The following AGAP3 variants were observed in gnomAD, a reference collection of about 807,000 sequenced individuals.
The protein encoded by AGAP3 is arf-GAP with GTPase, ANK repeat and PH domain-containing protein 3.
Under a neutral mutation model 96.9 loss-of-function variants are expected in AGAP3, and 24 were observed. The ratio of observed to expected loss-of-function variants is 0.25; its 90% CI spans 0.18 to 0.35. AGAP3 has a LOEUF of 0.35. Among genes scored for constraint, AGAP3 ranks in the 10% least tolerant of loss-of-function variants. The pLI is 1.00. For missense variants in AGAP3, 876 were observed against 1,254.2 expected, an observed-to-expected ratio of 0.70 and a Z score of 4.55; for synonymous variants, 563 against 536.1, an observed-to-expected ratio of 1.05 and a Z score of -0.69.
Position 151,143,439 on chromosome 7 carries a change from G to T in AGAP3, c.2372G>T (p.Arg791Leu). Residue 791 changes from arginine to leucine, a missense_variant, in exon 17 of 18, where the codon CGG becomes CTG. By Grantham distance (102) the Arg-to-Leu change is moderately radical (BLOSUM62 -2). Around this residue, in one of 8 missense-constraint regions of AGAP3, gnomAD observed 213 missense variants for 253.8 expected, o/e 0.84. Transcript: ENST00000397238. The surrounding 1 kb of genome is among the most constrained non-coding windows in gnomAD (Gnocchi z 5.9). Reference protein sequence around the residue: ...SDVPLGQQLLRAVVEDDLRLL... With the variant: ...SDVPLGQQLLLAVVEDDLRLL... ...GTGCCACTGGGGCAGCAGCTGCTCC[G>T]GGCCGTGGTGGAAGATGACCTGCGG... 2 of 1,614,170 alleles carry T rather than the reference G, an allele frequency of 1.2e-6. No homozygotes were observed. Among genetic ancestry groups the T allele is most frequent in the Admixed American group, 1.7e-5 (1 of 60,022 alleles).
chr7:151,109,703 C>T (rs1473591700), intron 1 of AGAP3, among the ~76,000 whole-genome samples: 1 of 152,216 alleles, frequency 6.6e-6, no homozygotes, highest in Non-Finnish European at 1.5e-5. Flanking sequence ...CTCCGTATCT[C>T]TGAGGTCTCT....
intron 1 of AGAP3, among the ~76,000 whole-genome samples, chr7:151,106,983 G>A (rs1015445886): frequency 6.6e-6 from 1 of 151,292 alleles, no homozygotes; most frequent in Admixed American, 6.6e-5. Context: ...TTAGTGCAAT[G>A]ATTTGAACAC....
rs35926416 is a variant in AGAP3, at chr7:151,095,701, C to CA, written c.331+8655dup. 1.9e-3 allele frequency among the ~76,000 whole-genome samples: 154 copies of CA among 83,012 alleles called. 6 individuals are homozygous for CA. Among genetic ancestry groups the CA allele is most frequent in the Admixed American group, 1.6e-3 (10 of 6,222 alleles). 54.5% of individuals were successfully genotyped at this position (83,012 alleles called of 152,430 possible). On this transcript the variant is annotated intron_variant, in intron 1 of 17. Transcript: ENST00000397238. ...AATGTCTTGTCCAATCACAGTTGTACAAAAAAAAAAAAAAAAAAAAAAAAA... is the reference window on the plus strand; with the variant it reads ...AATGTCTTGTCCAATCACAGTTGTACAAAAAAAAAAAAAAAAAAAAAAAAAA...
At chr7:151,111,188 C>G (rs1298973351) in intron 1 of AGAP3, among the ~76,000 whole-genome samples, 2 of 152,190 alleles carry the variant, frequency 1.3e-5, no homozygotes, top group East Asian at 1.9e-4. Flanking sequence ...TGCCAGCCTT[C>G]CCAGCCACTG....
In AGAP3 at chr7:151,138,324, G is replaced by A. The variant is rs1800686321; in HGVS notation, c.1666+11G>A. 1 of 1,599,762 alleles carries A rather than the reference G, an allele frequency of 6.3e-7. No individual in the cohort carries two copies. The highest frequency in any genetic ancestry group is 8.5e-7 in the Non-Finnish European group (1 of 1,171,800). ...GCATGCAGCACCCTGGTGAGTGGTG[G>A]CTCTGCTGCTTCCCACCTTTTCTGG... On this transcript the variant is annotated intron_variant, in intron 12 of 17. Coordinates refer to ENST00000397238, the MANE Select transcript of AGAP3 (RefSeq NM_031946.7).
rs1042347623 is a variant in AGAP3 at position 151,127,330 on chromosome 7, G to A, written c.1222-1250G>A. On this transcript the variant is annotated intron_variant, in intron 9 of 17. Coordinates refer to ENST00000397238, the MANE Select transcript of AGAP3 (RefSeq NM_031946.7). ...CTCCATTCCTAAAGGAGATGCCATC[G>A]CGGGGCCTCTTCCCTCTCTGGGCGC... 3.3e-5 allele frequency among the ~76,000 whole-genome samples: 5 copies of A among 152,234 alleles called. No individual in the cohort carries two copies. The South Asian group carries it at 6.2e-4, about 19-fold the overall frequency.
chr7:151,140,192 C>T lies in AGAP3; in HGVS notation c.1804+76C>T, dbSNP rs1423724532. 1 of 1,335,250 alleles carries T rather than the reference C, an allele frequency of 7.5e-7. No homozygotes were observed. Among genetic ancestry groups the T allele is most frequent in the South Asian group, 2.0e-5 (1 of 49,504 alleles). The allele number at this position is 1,335,250 out of a possible 1,614,324, so 82.7% of individuals were successfully genotyped here. On this transcript the variant is annotated intron_variant, in intron 13 of 17. Coordinates refer to ENST00000397238, the MANE Select transcript of AGAP3 (RefSeq NM_031946.7). The surrounding 1 kb of genome is among the most constrained non-coding windows in gnomAD (Gnocchi z 5.4). ...TGGGGATAGTACCCTAAAAGTAACACCTATTTTTTATTTTTTGTATTCAGT... is the reference window on the plus strand; with the variant it reads ...TGGGGATAGTACCCTAAAAGTAACATCTATTTTTTATTTTTTGTATTCAGT...
intron 8 of AGAP3, chr7:151,123,476 C>A: frequency 8.5e-7 from 1 of 1,181,252 alleles, no homozygotes; most frequent in Non-Finnish European, 1.1e-6. Flanking sequence ...AGCAGCCCCA[C>A]CGTCCACCTC....
rs905023477 is a variant in AGAP3 at position 151,136,558 on chromosome 7, C to G, written c.1496-1585C>G. ...CGCTGCTTTATGCAGAATTATCCTCCGAGGACTAATTGATGGCTCCATGTT... is the reference window on the plus strand; with the variant it reads ...CGCTGCTTTATGCAGAATTATCCTCGGAGGACTAATTGATGGCTCCATGTT... On this transcript the variant is annotated intron_variant, in intron 11 of 17. Transcript: ENST00000397238. The G allele has an allele frequency of 4.6e-5, 7 of 152,354 alleles. 1 individual carries two copies. The highest frequency in any genetic ancestry group is 3.9e-4 in the East Asian group (2 of 5,190). The allele number at this position is 152,354 out of a possible 1,614,324, so 9.4% of individuals were successfully genotyped here. A position where few individuals can be genotyped will look rare whatever the true frequency, so the allele number is the denominator to read the frequency against.
rs202228850 is a variant in AGAP3, at chr7:151,143,320, C to T, written c.2274-21C>T. The stretch of plus-strand genomic sequence containing the variant: ...TCGGTGACCTTCCTTGGCTCATGCC[C>T]TGATGGGCCTGTGGTTGCAGAGAGG... On this transcript the variant is annotated intron_variant, in intron 16 of 17. Transcript: ENST00000397238. The surrounding 1 kb of genome is among the most constrained non-coding windows in gnomAD (Gnocchi z 5.9). The T allele has an allele frequency of 3.8e-6, 6 of 1,596,284 alleles. No individual in the cohort carries two copies. The highest frequency in any genetic ancestry group is 5.1e-6 in the Non-Finnish European group (6 of 1,169,218).
In AGAP3 at chr7:151,143,904, C is replaced by A; in HGVS notation, c.2697C>A (p.Asn899Lys). ...ACAGAGAGCCTGCCAATGGCACCAA[C>A]CCCTCTGCTGAGCTGCACCGTAGTC... ...TPNREPANGT[N>K]PSAELHRSPS... The change falls in exon 18 of 18, where the codon AAC becomes AAA. Residue 899 changes from asparagine (N) to lysine (K), a missense_variant. Coordinates refer to ENST00000397238, the MANE Select transcript of AGAP3 (RefSeq NM_031946.7). This position sits in a 1 kb window ranked among gnomAD's most constrained non-coding sequence, Gnocchi z 5.9. 6.2e-7 allele frequency: 1 copy of A among 1,614,062 alleles called. No individual in the cohort carries two copies. The highest frequency in any genetic ancestry group is 8.5e-7 in the Non-Finnish European group (1 of 1,180,014).
In AGAP3 at chr7:151,118,069, C is replaced by A; in HGVS notation, c.707-141C>A. 8.4e-7 allele frequency: 1 copy of A among 1,186,902 alleles called. No homozygotes were observed. The highest frequency in any genetic ancestry group is 1.2e-6 in the Non-Finnish European group (1 of 853,294). 73.5% of individuals were successfully genotyped at this position (1,186,902 alleles called of 1,614,324 possible). A position where few individuals can be genotyped will look rare whatever the true frequency, so the allele number is the denominator to read the frequency against. On this transcript the variant is annotated intron_variant, in intron 5 of 17. Transcript: ENST00000397238. This position sits in a 1 kb window ranked among gnomAD's most constrained non-coding sequence, Gnocchi z 6.1. ...AGGCCATGGAAGGGTTGAAATGAGACCCAGGCACCCGCGTTCTTGGTGCTC... is the reference window on the plus strand; with the variant it reads ...AGGCCATGGAAGGGTTGAAATGAGAACCAGGCACCCGCGTTCTTGGTGCTC...
At chr7:151,106,952 C>T (rs1484132588) in intron 1 of AGAP3, among the ~76,000 whole-genome samples, 1 of 152,210 alleles carries the variant, frequency 6.6e-6, no homozygotes, top group East Asian at 1.9e-4. Context: ...TCCACACTTC[C>T]TCCACATCAG....
chr7:151,121,202 C>T (rs551114109), intron 8 of AGAP3, among the ~76,000 whole-genome samples: 13 of 152,300 alleles, frequency 8.5e-5, no homozygotes, highest in African/African-American at 2.9e-4. Flanking sequence ...GTCCCGAGCC[C>T]GCCACCTGCC....
In AGAP3 at chr7:151,144,112, T is replaced by A; in HGVS notation, c.*169T>A. ...AAAGGGATCAAGGAGAGTTGGGGAT[T>A]TGAGCTGCAGCAGAGAGGGATGAGG... On this transcript the variant is annotated 3_prime_UTR_variant, in exon 18 of 18. Transcript: ENST00000397238. 6 of 728,076 alleles carry A rather than the reference T, an allele frequency of 8.2e-6. No homozygotes were observed. The East Asian group carries it at 1.6e-4, about 20-fold the overall frequency. The allele number at this position is 728,076 out of a possible 1,614,324, so 45.1% of individuals were successfully genotyped here. A position where few individuals can be genotyped will look rare whatever the true frequency, so the allele number is the denominator to read the frequency against.
At chr7:151,115,068 CCCAGCCCCGCGT>C (rs747200514) in intron 1 of AGAP3, 34 of 1,019,810 alleles carry the variant, frequency 3.3e-5, no homozygotes, top group East Asian at 2.1e-4. Flanking sequence ...CTCGCCTGCG[CCCAGCCCCGCGT>C]CCAGCCCCGC....
intron 9 of AGAP3, among the ~76,000 whole-genome samples, chr7:151,127,382 C>T (rs746644239): frequency 2.0e-4 from 30 of 152,174 alleles, no homozygotes; most frequent in Non-Finnish European, 3.1e-4. Flanking sequence ...GGGCAGAGTC[C>T]GCTTTTTCAA....
chr7:151,110,892 G>A lies in AGAP3; in HGVS notation c.332-5901G>A, dbSNP rs930838558. Among the ~76,000 whole-genome samples, 3 of 152,322 alleles carry A rather than the reference G, an allele frequency of 2.0e-5. No homozygotes were observed. The South Asian group carries it at 6.2e-4, about 32-fold the overall frequency. On this transcript the variant is annotated intron_variant, in intron 1 of 17. Coordinates refer to ENST00000397238, the MANE Select transcript of AGAP3 (RefSeq NM_031946.7). ...TCATGTGGTGCTGTTGAAAATGGGGGATGCTGGAATGGAGCTGTTAGGGGT... is the reference window on the plus strand; with the variant it reads ...TCATGTGGTGCTGTTGAAAATGGGGAATGCTGGAATGGAGCTGTTAGGGGT...
At chr7:151,126,535 T>C (rs13246990) in intron 9 of AGAP3, among the ~76,000 whole-genome samples, 53,883 of 145,960 alleles carry the variant, frequency 0.37, 10,230 homozygotes, top group African/African-American at 0.43. Context: ...TCACACTTGG[T>C]TATTTCTTTG....
Sources: allele counts gnomAD v4.1 joint callset (sites outside exome capture counted in the v4.1 genomes callset), GRCh38; gene constraint gnomAD v4.1.1; regional missense constraint gnomAD v4.1.1; non-coding constraint Gnocchi (gnomAD v3.1); transcripts MANE v1.5; gene names NCBI Gene and HGNC (gene_info 2026-07-23, HGNC 2026-07-21).